The following ADGRD1 variants were observed in gnomAD, a reference collection of about 807,000 sequenced individuals.
The protein encoded by ADGRD1 is adhesion G protein-coupled receptor D1.
ADGRD1 carries 77 observed loss-of-function variants against 113.4 expected under a neutral mutation model. The ratio of observed to expected loss-of-function variants is 0.68; its 90% CI spans 0.57 to 0.82. ADGRD1 has a LOEUF of 0.82. Ranked by LOEUF, ADGRD1 falls within the 40% of genes least tolerant of loss-of-function variation. ADGRD1 has a pLI of 0.00. For synonymous variants in ADGRD1, 474 were observed against 475.0 expected, an observed-to-expected ratio of 1.00 and a Z score of 0.03; for missense variants, 1,036 against 1,139.1, an observed-to-expected ratio of 0.91 and a Z score of 1.30.
At chr12:131,058,121 T>C (rs1308120682) in intron 13 of ADGRD1, among the ~76,000 whole-genome samples, 1 of 152,246 alleles carries the variant, frequency 6.6e-6, no homozygotes, top group Admixed American at 6.5e-5. Flanking sequence ...AATATTTTTT[T>C]CATGGATTCT....
intron 13 of ADGRD1, among the ~76,000 whole-genome samples, chr12:131,018,490 C>G (rs538214158): frequency 1.3e-5 from 2 of 152,204 alleles, no homozygotes; most frequent in South Asian, 2.1e-4. Context: ...GAAGCTCCAC[C>G]TCGGGTCGGC....
chr12:130,958,476 A>G (rs978877557), intron 2 of ADGRD1, among the ~76,000 whole-genome samples: 20 of 152,272 alleles, frequency 1.3e-4, no homozygotes, highest in African/African-American at 4.6e-4. Context: ...CTGGGATTAC[A>G]GGTGTGAGCC....
At chr12:131,095,928 G>C (rs1446689495) in intron 15 of ADGRD1, among the ~76,000 whole-genome samples, 1 of 152,168 alleles carries the variant, frequency 6.6e-6, no homozygotes, top group African/African-American at 2.4e-5. Flanking sequence ...GATGATACAC[G>C]CATGTGGGAA....
chr12:131,061,249 G>A (rs1884300293), intron 13 of ADGRD1, among the ~76,000 whole-genome samples: 2 of 152,220 alleles, frequency 1.3e-5, no homozygotes, highest in East Asian at 3.9e-4. Flanking sequence ...GAAGGCAGGG[G>A]AGGAGGGACC....
rs770232857 is a variant in ADGRD1, at chr12:130,966,434, T to A, written c.104-29T>A. The A allele has an allele frequency of 6.9e-7, 1 of 1,458,858 alleles. No individual in the cohort carries two copies. The allele number at this position is 1,458,858 out of a possible 1,614,324, so 90.4% of individuals were successfully genotyped here. On this transcript the variant is annotated intron_variant, in intron 2 of 24. Transcript: ENST00000261654. The surrounding 1 kb of genome is among the most constrained non-coding windows in gnomAD (Gnocchi z 4.6). ...CTGGTTCTTTCCTCTCTAATGATGA[T>A]TTAAAATTTTTATTCTTTTTTCCCC...
At chr12:131,074,128 G>T (rs1286863517) in intron 13 of ADGRD1, among the ~76,000 whole-genome samples, 1 of 152,136 alleles carries the variant, frequency 6.6e-6, no homozygotes, top group Non-Finnish European at 1.5e-5. Flanking sequence ...GGTGTACCTT[G>T]CTCATGAACA....
intron 10 of ADGRD1, 61 bp from the exon 11 acceptor site, chr12:131,004,125 T>G (rs1413129524): frequency 6.6e-6 from 7 of 1,060,428 alleles, no homozygotes; most frequent in Non-Finnish European, 8.8e-6. Flanking sequence ...TTTTGCAGTC[T>G]GATTTCCTGC....
At position 131,050,218 on chromosome 12, in the gene ADGRD1, GTCA is replaced by G. The variant is rs3072393; in HGVS notation, c.1474-26564_1474-26562del. Among the ~76,000 whole-genome samples, 34 of 150,798 alleles carry G rather than the reference GTCA, an allele frequency of 2.3e-4. No individual in the cohort carries two copies. The highest frequency in any genetic ancestry group is 3.8e-4 in the Non-Finnish European group (26 of 67,662). Reference sequence around the variant, plus strand: ...TCAAGTTGAAATCACCATCGTCATCGTCATCATCATCATCATCATCAATGAGAT... The same window carrying G: ...TCAAGTTGAAATCACCATCGTCATCGTCATCATCATCATCATCAATGAGAT... On this transcript the variant is annotated intron_variant, in intron 13 of 24. Coordinates refer to ENST00000261654, the MANE Select transcript of ADGRD1 (RefSeq NM_198827.5). This position sits in a 1 kb window ranked among gnomAD's most constrained non-coding sequence, Gnocchi z 4.8.
At chr12:131,106,008 G>A (rs1268377994) in intron 17 of ADGRD1, 143 bp downstream of exon 17, 1 of 659,728 alleles carries the variant, frequency 1.5e-6, no homozygotes, top group African/African-American at 1.8e-5. Flanking sequence ...TTTCTCGGGG[G>A]AAGCAGAGAT....
chr12:131,092,591 G>A (rs529602685), intron 15 of ADGRD1, among the ~76,000 whole-genome samples: 1 of 152,100 alleles, frequency 6.6e-6, no homozygotes, highest in Non-Finnish European at 1.5e-5. Flanking sequence ...CAGGCTTCAG[G>A]CATGGGAAGC....
rs183851040 is a variant in ADGRD1 at position 131,006,168 on chromosome 12, G to A, written c.1331+121G>A. On this transcript the variant is annotated intron_variant, in intron 12 of 24. Coordinates refer to ENST00000261654, the MANE Select transcript of ADGRD1 (RefSeq NM_198827.5). ...AGAACTCTGGACACGAGTACCGGGC[G>A]CTTCACTGCTCGGGCAAGGAAACGT... 117 of 862,270 alleles carry A rather than the reference G, an allele frequency of 1.4e-4. 2 individuals are homozygous for A. The Admixed American group carries it at 2.3e-3, about 17-fold the overall frequency. The allele number at this position is 862,270 out of a possible 1,614,324, so 53.4% of individuals were successfully genotyped here.
In ADGRD1 at chr12:131,004,228, C is replaced by T. The variant is rs953457196; in HGVS notation, c.1187C>T (p.Ser396Phe). 4 of 1,614,006 alleles carry T rather than the reference C, an allele frequency of 2.5e-6. No homozygotes were observed. The highest frequency in any genetic ancestry group is 3.4e-6 in the Non-Finnish European group (4 of 1,179,960). ...AKILPKTVNS[S>F]HYRFPAHGQS... Reference sequence around the variant, plus strand: ...ATCCTGCCCAAGACCGTGAATTCCTCCCATTACCGCTTCCCGGCCCACGGG... The same window carrying T: ...ATCCTGCCCAAGACCGTGAATTCCTTCCATTACCGCTTCCCGGCCCACGGG... The change falls in exon 11 of 25, where the codon TCC (serine) becomes TTC (phenylalanine). Residue 396 changes from serine (S) to phenylalanine (F), a missense_variant. Physicochemically the swap from Ser to Phe is radical, Grantham distance 155. Coordinates refer to ENST00000261654, the MANE Select transcript of ADGRD1 (RefSeq NM_198827.5).
chr12:131,056,844 G>T (rs1465235848), intron 13 of ADGRD1, among the ~76,000 whole-genome samples: 2 of 152,266 alleles, frequency 1.3e-5, no homozygotes, highest in Middle Eastern at 6.8e-3. Flanking sequence ...GCTTCTGGAT[G>T]CAAGCAGGTG....
intron 15 of ADGRD1, among the ~76,000 whole-genome samples, chr12:131,086,505 G>A (rs1330860442): frequency 6.6e-6 from 1 of 152,248 alleles, no homozygotes; most frequent in African/African-American, 2.4e-5. Flanking sequence ...GGTTCTGTGT[G>A]CAGAGGCCTG....
chr12:131,011,742 C>T (rs1270121500), intron 12 of ADGRD1, among the ~76,000 whole-genome samples: 1 of 152,216 alleles, frequency 6.6e-6, no homozygotes, highest in Non-Finnish European at 1.5e-5. Context: ...TTGCTAGCAA[C>T]GTGGTTTTTC....
At position 130,987,112 on chromosome 12, in the gene ADGRD1, G is replaced by C. The variant is rs1386996874; in HGVS notation, c.508G>C (p.Val170Leu). Residue 170 changes from valine (V) to leucine (L), a missense_variant, in exon 6 of 25, where the codon GTC becomes CTC. By Grantham distance (32) the Val-to-Leu change is conservative (BLOSUM62 1). Transcript: ENST00000261654. Reference protein sequence around the residue: ...FSPPGPYWTHVLFTWKSKEGL... With the variant: ...FSPPGPYWTHLLFTWKSKEGL... ...TTTTCCAGGCCCCTATTGGACTCAT[G>C]TCCTATTTACATGGAAATCCAAGGA... 1 of 1,613,936 alleles carries C rather than the reference G, an allele frequency of 6.2e-7. No individual in the cohort carries two copies. Among genetic ancestry groups the C allele is most frequent in the African/African-American group, 1.3e-5 (1 of 75,050 alleles).
intron 15 of ADGRD1, among the ~76,000 whole-genome samples, chr12:131,095,872 G>A (rs1887242461): frequency 6.6e-6 from 1 of 152,230 alleles, no homozygotes; most frequent in Non-Finnish European, 1.5e-5. Context: ...CAGGAAGCTG[G>A]GGTGTCAGGA....
rs1882952994 is a variant in ADGRD1 at position 131,047,460 on chromosome 12, C to T, written c.1474-29341C>T. 2.0e-5 allele frequency among the ~76,000 whole-genome samples: 3 copies of T among 152,220 alleles called. No individual in the cohort carries two copies. The South Asian group carries it at 6.2e-4, about 32-fold the overall frequency. On this transcript the variant is annotated intron_variant, in intron 13 of 24. Coordinates refer to ENST00000261654, the MANE Select transcript of ADGRD1 (RefSeq NM_198827.5). ...CCCCCTTTTGCACCCCTTCCGCAGC[C>T]ATCCAGGGAGCCCCCTGTCGGGAGG...
intron 17 of ADGRD1, among the ~76,000 whole-genome samples, chr12:131,106,576 C>T (rs1296115893): frequency 1.3e-5 from 2 of 152,226 alleles, no homozygotes; most frequent in Non-Finnish European, 2.9e-5. Context: ...AGGAACCCAG[C>T]AGGATAAGCC....
Sources: gnomAD v4.1 joint callset for allele counts (sites outside exome capture counted in the v4.1 genomes callset) on GRCh38, gnomAD v4.1.1 for gene constraint, Gnocchi (gnomAD v3.1) non-coding constraint, MANE v1.5 for transcripts, NCBI Gene and HGNC (gene_info 2026-07-23, HGNC 2026-07-21) for gene names.